EFCAB6: variants seen among roughly 807,000 people sequenced by gnomAD.
The protein encoded by EFCAB6 is EF-hand calcium binding domain 6.
EFCAB6 carries 156 observed loss-of-function variants against 169.8 expected under a neutral mutation model. That is an observed-to-expected ratio of 0.92 (90% CI 0.81 to 1.05). The LOEUF is 1.05. Ranked by LOEUF, EFCAB6 falls within the 50% of genes least tolerant of loss-of-function variation. The pLI is 0.00. For missense variants in EFCAB6, 1,800 were observed against 1,829.1 expected, an observed-to-expected ratio of 0.98 and a Z score of 0.29; for synonymous variants, 698 against 676.4, an observed-to-expected ratio of 1.03 and a Z score of -0.50.
chr22:43,616,619 C>A (rs974936023), intron 20 of EFCAB6, among the ~76,000 whole-genome samples: 1 of 150,892 alleles, frequency 6.6e-6, no homozygotes, highest in Non-Finnish European at 1.5e-5. Flanking sequence ...AGCTGAGATT[C>A]GTGCCATTGC....
chr22:43,559,560 C>T (rs1162763273), intron 26 of EFCAB6, among the ~76,000 whole-genome samples: 1 of 152,216 alleles, frequency 6.6e-6, no homozygotes, highest in Non-Finnish European at 1.5e-5. Flanking sequence ...GACACATACA[C>T]ATGTATGTTT....
intron 24 of EFCAB6, among the ~76,000 whole-genome samples, chr22:43,583,189 G>A (rs1464383281): frequency 1.3e-5 from 2 of 151,954 alleles, no homozygotes; most frequent in Non-Finnish European, 2.9e-5. Context: ...CTGACCACAG[G>A]AAAGATGTTT....
At chr22:43,709,124 C>T (rs1292081832) in intron 10 of EFCAB6, among the ~76,000 whole-genome samples, 1 of 152,116 alleles carries the variant, frequency 6.6e-6, no homozygotes, top group Non-Finnish European at 1.5e-5. Context: ...CTCTGTTGCC[C>T]AGGCTGGGGT....
rs1433486949 is a variant in EFCAB6, at chr22:43,672,294, T to C, written c.1431A>G (p.Thr477=). 1 of 1,614,034 alleles carries C rather than the reference T, an allele frequency of 6.2e-7. No individual in the cohort carries two copies. The highest frequency in any genetic ancestry group is 8.5e-7 in the Non-Finnish European group (1 of 1,180,014). Residue 477 remains threonine (T), a synonymous_variant, in exon 14 of 32, where the codon ACA becomes ACG. Transcript: ENST00000262726. ...GTGTCTTAGCATCTGTACAGGGAGATGTCTTTCTCATCTAATTGGGAAAGA... is the reference window on the plus strand; with the variant it reads ...GTGTCTTAGCATCTGTACAGGGAGACGTCTTTCTCATCTAATTGGGAAAGA... ...LIEENCRMRK[T]SPCTDAKTPF... is the part of the protein sequence containing the mutation.
chr22:43,608,794 A>T (rs1431841896), intron 21 of EFCAB6, among the ~76,000 whole-genome samples, 194 bp from the exon 22 acceptor site: 1 of 152,182 alleles, frequency 6.6e-6, no homozygotes, highest in Non-Finnish European at 1.5e-5. Flanking sequence ...AACGGAAATG[A>T]GAATTAGGGG....
Position 43,672,107 on chromosome 22 carries a change from A to G in EFCAB6, c.1506T>C (p.Ile502=), listed in dbSNP as rs2057518209. 6.2e-7 allele frequency: 1 copy of G among 1,613,722 alleles called. No homozygotes were observed. The change falls in exon 15 of 32, where the codon ATT becomes ATC. Residue 502 remains isoleucine (I), a synonymous_variant. Transcript: ENST00000262726. Reference sequence around the variant, plus strand: ...TATAAAAAGCTTGTAGGTTCCTAGTAATTGTATCATGAACAATTTCTTCCA... The same window carrying G: ...TATAAAAAGCTTGTAGGTTCCTAGTGATTGTATCATGAACAATTTCTTCCA... ...DSVEEIVHDT[I]TRNLQAFYNM... is the part of the protein sequence containing the mutation.
chr22:43,590,742 C>CA (rs553431883), intron 23 of EFCAB6, among the ~76,000 whole-genome samples: 1,676 of 79,978 alleles, frequency 0.021, 20 homozygotes, highest in Middle Eastern at 0.091. Context: ...GTTTGAAGGC[C>CA]AAAAAAAAAA....
rs761866728 is a variant in EFCAB6, at chr22:43,683,757, A to G, written c.1241T>C (p.Ile414Thr). 6.2e-7 allele frequency: 1 copy of G among 1,607,692 alleles called. No individual in the cohort carries two copies. The highest frequency in any genetic ancestry group is 8.5e-7 in the Non-Finnish European group (1 of 1,174,136). Reference sequence around the variant, plus strand: ...CTTTCAAAATCTTACAGTGTTGATTATCAGTAATGCTTTCTTCAGTGACGC... The same window carrying G: ...CTTTCAAAATCTTACAGTGTTGATTGTCAGTAATGCTTTCTTCAGTGACGC... ...HSASLKKALLIINTKPDGPIT... is the reference protein window; with the variant it reads ...HSASLKKALLTINTKPDGPIT... Residue 414 changes from isoleucine to threonine, a missense_variant, in exon 12 of 32, where the codon ATA becomes ACA. By Grantham distance (89) the Ile-to-Thr change is moderately conservative (BLOSUM62 -1). Coordinates refer to ENST00000262726, the MANE Select transcript of EFCAB6 (RefSeq NM_022785.4).
chr22:43,752,835 T>C (rs752007440), intron 6 of EFCAB6, among the ~76,000 whole-genome samples: 1 of 152,168 alleles, frequency 6.6e-6, no homozygotes, highest in Non-Finnish European at 1.5e-5. Flanking sequence ...CTTGGAGTCT[T>C]CGGTTTCTCA....
At chr22:43,666,904 T>C (rs568853220) in intron 17 of EFCAB6, among the ~76,000 whole-genome samples, 200 bp downstream of exon 17, 2 of 151,918 alleles carry the variant, frequency 1.3e-5, no homozygotes, top group East Asian at 1.9e-4. Flanking sequence ...GCTGGCCACA[T>C]CCATATTGAA....
In EFCAB6 at chr22:43,795,070, CACAG is replaced by C. The variant is rs1157763894; in HGVS notation, c.-7-12749_-7-12746del. ...CCTTGCCCTGCCCGAACCTCATCGT[CACAG>C]ACAGTCTACCCTCACACACTGTAAG... On this transcript the variant is annotated intron_variant, in intron 2 of 31. Transcript: ENST00000262726. This position sits in a 1 kb window ranked among gnomAD's most constrained non-coding sequence, Gnocchi z 4.2. Among the ~76,000 whole-genome samples, 1 of 152,134 alleles carries C rather than the reference CACAG, an allele frequency of 6.6e-6. No homozygotes were observed. The highest frequency in any genetic ancestry group is 2.1e-4 in the South Asian group (1 of 4,826).
intron 31 of EFCAB6, among the ~76,000 whole-genome samples, chr22:43,530,189 A>G (rs2046974287): frequency 6.6e-6 from 1 of 152,236 alleles, no homozygotes. Context: ...CCGGAAGGGA[A>G]TAACAGAACC....
At chr22:43,710,498 C>G (rs778894549) in intron 10 of EFCAB6, among the ~76,000 whole-genome samples, 1 of 152,094 alleles carries the variant, frequency 6.6e-6, no homozygotes, top group Non-Finnish European at 1.5e-5. Context: ...GCCAGGGAAC[C>G]AGCTCATTAT....
At chr22:43,706,365 T>G (rs1188335889) in intron 10 of EFCAB6, among the ~76,000 whole-genome samples, 1 of 152,236 alleles carries the variant, frequency 6.6e-6, no homozygotes, top group Non-Finnish European at 1.5e-5. Context: ...CTCTTTGTTA[T>G]TCTCCATTGT....
intron 13 of EFCAB6, among the ~76,000 whole-genome samples, chr22:43,673,484 TTAGA>T (rs889554170): frequency 1.3e-5 from 2 of 152,126 alleles, no homozygotes; most frequent in African/African-American, 4.8e-5. Context: ...TATTTTAAAA[TTAGA>T]TAGCAGGCCA....
chr22:43,546,282 GAC>G (rs1257888819), intron 27 of EFCAB6, among the ~76,000 whole-genome samples: 3 of 152,136 alleles, frequency 2.0e-5, no homozygotes, highest in African/African-American at 7.2e-5. Context: ...CAACAGATGA[GAC>G]ACAGTTGAGG....
intron 27 of EFCAB6, among the ~76,000 whole-genome samples, chr22:43,545,019 C>T (rs576559203): frequency 1.3e-5 from 2 of 151,948 alleles, no homozygotes; most frequent in Non-Finnish European, 2.9e-5. Flanking sequence ...TGGTGGCGGG[C>T]GCCTGTAGTC....
chr22:43,578,643 C>T (rs757654412), intron 25 of EFCAB6, among the ~76,000 whole-genome samples: 2 of 152,048 alleles, frequency 1.3e-5, no homozygotes, highest in East Asian at 1.9e-4. Context: ...TCATTCCATA[C>T]ATGTAGGCAT....
At chr22:43,548,039 TG>T (rs577066346) in intron 27 of EFCAB6, among the ~76,000 whole-genome samples, 72 of 152,016 alleles carry the variant, frequency 4.7e-4, no homozygotes, top group African/African-American at 1.7e-3. Flanking sequence ...GAACTTTCAG[TG>T]AGCCAAGAGG....
Sources: gnomAD v4.1 joint callset for allele counts (sites outside exome capture counted in the v4.1 genomes callset) on GRCh38, gnomAD v4.1.1 for gene constraint, Gnocchi (gnomAD v3.1) non-coding constraint, MANE v1.5 for transcripts, NCBI Gene and HGNC (gene_info 2026-07-23, HGNC 2026-07-21) for gene names.